The following ZFP90 variants were observed in gnomAD, a reference collection of about 807,000 sequenced individuals.
ZFP90 encodes the protein zinc finger protein 90 homolog.
A neutral mutation model predicts 60.8 loss-of-function variants in ZFP90; 38 were observed. That is an observed-to-expected ratio of 0.62 (90% CI 0.48 to 0.82). The LOEUF (loss-of-function observed/expected upper bound fraction) is 0.82, where lower values mean the gene tolerates loss of function less well. ZFP90 is among the 40% of genes least tolerant of loss of function. The pLI is 0.00. For synonymous variants in ZFP90, 287 were observed against 264.8 expected (o/e 1.08, Z -0.82); for missense variants, 711 against 759.1 (o/e 0.94, Z 0.74).
chr16:68,551,158 C>T (rs1597728409), intron 2 of ZFP90, among the ~76,000 whole-genome samples: 1 of 152,212 alleles, frequency 6.6e-6, no homozygotes, highest in East Asian at 1.9e-4. Context: ...CTGGAAGTGC[C>T]CTTTCACCCC....
chr16:68,571,492 TTCC>T (rs1232539191), downstream of ZFP90, among the ~76,000 whole-genome samples: 2 of 152,196 alleles, frequency 1.3e-5, no homozygotes, highest in Admixed American at 6.5e-5. Context: ...TCTTATCTGA[TTCC>T]TCCTCCCACA....
chr16:68,575,755 T>A (rs972412911), intron 2 of ZFP90: 6 of 398,030 alleles, frequency 1.5e-5, no homozygotes, highest in Non-Finnish European at 2.7e-5. Flanking sequence ...AGCTTGAAGG[T>A]TGGGTTTCAG....
intron 2 of ZFP90, among the ~76,000 whole-genome samples, chr16:68,556,098 C>T (rs2091339703): frequency 6.6e-6 from 1 of 152,090 alleles, no homozygotes; most frequent in Non-Finnish European, 1.5e-5. Flanking sequence ...TGAGCTCAGG[C>T]AGTTGAGGCT....
chr16:68,551,087 A>G (rs553767472), intron 2 of ZFP90, among the ~76,000 whole-genome samples: 1 of 152,146 alleles, frequency 6.6e-6, no homozygotes. Flanking sequence ...GAGATACCAC[A>G]CTGTATTGCC....
downstream of ZFP90, among the ~76,000 whole-genome samples, chr16:68,570,246 G>A (rs1385708606): frequency 6.6e-6 from 1 of 152,080 alleles, no homozygotes; most frequent in Non-Finnish European, 1.5e-5. Context: ...GATTCCATGT[G>A]GCTAAATCCA....
At chr16:68,575,380 AGAG>A (rs953206532) in intron 2 of ZFP90, among the ~76,000 whole-genome samples, 1 of 152,134 alleles carries the variant, frequency 6.6e-6, no homozygotes, top group African/African-American at 2.4e-5. Context: ...TGAGGAGGGC[AGAG>A]AAGAATTTTA....
At position 68,566,356 on chromosome 16, in the gene ZFP90, C is replaced by T. The variant is rs2152076647; in HGVS notation, c.*1658C>T. 2.0e-6 allele frequency: 2 copies of T among 985,458 alleles called. No homozygotes were observed. Among genetic ancestry groups the T allele is most frequent in the East Asian group, 2.2e-4 (2 of 8,944 alleles). The allele number at this position is 985,458 out of a possible 1,614,324, so 61.0% of individuals were successfully genotyped here. A position where few individuals can be genotyped will look rare whatever the true frequency, so the allele number is the denominator to read the frequency against. ...CCAAAGATAGATAAATTTTCCCAGC[C>T]CTAAATATGAATCATGGGGCAAGAT... On this transcript the variant is annotated 3_prime_UTR_variant, in exon 5 of 5. Transcript: ENST00000563169.
intron 4 of ZFP90, among the ~76,000 whole-genome samples, chr16:68,559,203 G>A (rs1388099596): frequency 6.6e-6 from 1 of 152,158 alleles, no homozygotes; most frequent in African/African-American, 2.4e-5. Flanking sequence ...CTCCTTAACA[G>A]AGTACCTGCC....
At position 68,575,729 on chromosome 16, in the gene ZFP90, G is replaced by T. The variant is rs557061089; in HGVS notation, c.224-62G>T. ...GGATTTACCGAGGATTTGTAGCTAG[G>T]CATCAAACTGTCTTCAGCTTGAAGG... On this transcript the variant is annotated intron_variant, in intron 2 of 2. Coordinates refer to the ZFP90 transcript ENST00000573113. 44 of 397,714 alleles carry T rather than the reference G, an allele frequency of 1.1e-4. 1 individual carries two copies. The South Asian group carries it at 2.8e-3, about 25-fold the overall frequency. The allele number at this position is 397,714 out of a possible 1,614,324, so 24.6% of individuals were successfully genotyped here. A position where few individuals can be genotyped will look rare whatever the true frequency, so the allele number is the denominator to read the frequency against.
exon 2 of ZFP90, chr16:68,533,705 C>CT (rs1346535420): frequency 6.6e-6 from 1 of 152,176 alleles, no homozygotes; most frequent in Non-Finnish European, 1.5e-5. Flanking sequence ...CAGAGTCTTG[C>CT]TCTGTTGCCC....
upstream of ZFP90, among the ~76,000 whole-genome samples, chr16:68,536,740 C>T (rs1273310845): frequency 1.3e-5 from 2 of 152,174 alleles, no homozygotes; most frequent in African/African-American, 2.4e-5. Context: ...GTTCTCACCC[C>T]AAATGTTTTC....
rs754763104 is a variant in ZFP90, at chr16:68,563,123, C to T, written c.336C>T (p.Leu112=). ...VSEVSHCTHD[L]LHATLEDSWD... is the part of the protein sequence containing the mutation. ...AAGTATCCCACTGCACACATGATCT[C>T]TTACATGCTACATTAGAAGACTCCT... is the stretch of plus-strand genomic sequence containing the variant. The change falls in exon 5 of 5, where the codon CTC becomes CTT. Residue 112 remains leucine, a synonymous_variant. Transcript: ENST00000563169. 1 of 1,614,122 alleles carries T rather than the reference C, an allele frequency of 6.2e-7. No homozygotes were observed. The highest frequency in any genetic ancestry group is 2.2e-5 in the East Asian group (1 of 44,872).
At chr16:68,536,495 G>T (rs996220096), upstream of ZFP90, among the ~76,000 whole-genome samples, 1 of 152,040 alleles carries the variant, frequency 6.6e-6, no homozygotes, top group South Asian at 2.1e-4. Flanking sequence ...GTAGAAACAA[G>T]GTCTCACTAT....
At chr16:68,543,002 G>A (rs760867868) in intron 2 of ZFP90, among the ~76,000 whole-genome samples, 9 of 152,124 alleles carry the variant, frequency 5.9e-5, no homozygotes, top group Non-Finnish European at 1.2e-4. Context: ...AGGGAAAAAA[G>A]GTAGAGAAAG....
chr16:68,566,550 A>C lies in ZFP90; in HGVS notation c.*1852A>C. Reference sequence around the variant, plus strand: ...GGCTGAAATGTAATATGTGTAGCTCAATTAGTCTCTCCTCTGTGATGCAAA... The same window carrying C: ...GGCTGAAATGTAATATGTGTAGCTCCATTAGTCTCTCCTCTGTGATGCAAA... On this transcript the variant is annotated 3_prime_UTR_variant, in exon 5 of 5. Coordinates refer to ENST00000563169, the MANE Select transcript of ZFP90 (RefSeq NM_001305203.2). 3 of 985,524 alleles carry C rather than the reference A, an allele frequency of 3.0e-6. No individual in the cohort carries two copies. The South Asian group carries it at 1.4e-4, about 46-fold the overall frequency. The allele number at this position is 985,524 out of a possible 1,614,324, so 61.0% of individuals were successfully genotyped here.
rs1227884675 is a variant in ZFP90 at position 68,565,865 on chromosome 16, C to G, written c.*1167C>G. 5 of 984,284 alleles carry G rather than the reference C, an allele frequency of 5.1e-6. No individual in the cohort carries two copies. In the African/African-American group the frequency reaches 7.0e-5, roughly 14 times the overall value. 61.0% of individuals were successfully genotyped at this position (984,284 alleles called of 1,614,324 possible). A position where few individuals can be genotyped will look rare whatever the true frequency, so the allele number is the denominator to read the frequency against. ...CTTGGCTAGGTATGGTGTCTCACAC[C>G]TGTAATCCCAGCACTTTGGGTGGCT... is the stretch of plus-strand genomic sequence containing the variant. On this transcript the variant is annotated 3_prime_UTR_variant, in exon 5 of 5. Transcript: ENST00000563169.
chr16:68,549,250 T>C (rs2091211107), intron 2 of ZFP90, among the ~76,000 whole-genome samples: 1 of 152,180 alleles, frequency 6.6e-6, no homozygotes, highest in African/African-American at 2.4e-5. Context: ...TGCTCTTTGA[T>C]AATGAACCAC....
rs1230712447 is a variant in ZFP90 at position 68,563,428 on chromosome 16, A to G, written c.641A>G (p.Asp214Gly). Residue 214 changes from aspartate (D) to glycine (G), a missense_variant, in exon 5 of 5, where the codon GAT becomes GGT. Asp to Gly is a moderately conservative substitution (Grantham distance 94). Transcript: ENST00000563169. ...ILAKKKPYKC[D>G]KCRKAFIHRS... ...GCAAAAAAGAAACCCTATAAGTGTG[A>G]TAAATGTAGAAAAGCCTTTATTCAT... 3 of 1,613,176 alleles carry G rather than the reference A, an allele frequency of 1.9e-6. No homozygotes were observed. The highest frequency in any genetic ancestry group is 1.6e-4 in the Middle Eastern group (1 of 6,078).
intron 2 of ZFP90, among the ~76,000 whole-genome samples, chr16:68,540,814 A>AAAG: frequency 6.8e-6 from 1 of 147,066 alleles, no homozygotes; most frequent in Non-Finnish European, 1.5e-5. Flanking sequence ...TCTGCAAAAA[A>AAAG]AAAAAAAAAA....
Sources: allele counts gnomAD v4.1 joint callset (sites outside exome capture counted in the v4.1 genomes callset), GRCh38; gene constraint gnomAD v4.1.1; transcripts MANE v1.5; gene names NCBI Gene and HGNC (gene_info 2026-07-23, HGNC 2026-07-21).